The following MCTP1 variants were observed in gnomAD, a reference collection of about 807,000 sequenced individuals.
MCTP1 encodes the protein multiple C2 and transmembrane domain containing 1.
A neutral mutation model predicts 120.6 loss-of-function variants in MCTP1; 69 were observed. That is an observed-to-expected ratio of 0.57 (90% confidence interval 0.47 to 0.70). The LOEUF (loss-of-function observed/expected upper bound fraction) is 0.70, where lower values mean the gene tolerates loss of function less well. Ranked by LOEUF, MCTP1 falls within the 30% of genes least tolerant of loss-of-function variation. The pLI is 0.00. For missense variants in MCTP1, 1,203 were observed against 1,248.8 expected (o/e 0.96, Z 0.55); for synonymous variants, 529 against 493.1 (o/e 1.07, Z -0.96).
At chr5:94,950,022 A>T (rs1488711237) in intron 3 of MCTP1, among the ~76,000 whole-genome samples, 2 of 152,202 alleles carry the variant, frequency 1.3e-5, no homozygotes. Flanking sequence ...AATAATGGAA[A>T]AAATAAAGCA....
chr5:95,243,528 T>G (rs1008932923), intron 1 of MCTP1, among the ~76,000 whole-genome samples: 2 of 152,184 alleles, frequency 1.3e-5, no homozygotes, highest in Non-Finnish European at 2.9e-5. Flanking sequence ...GGGTCTAATA[T>G]GTCATTACAG....
intron 18 of MCTP1, chr5:94,791,955 C>T (rs1779063608): frequency 6.6e-6 from 1 of 152,538 alleles, no homozygotes; most frequent in Non-Finnish European, 1.5e-5. Flanking sequence ...GGCTTGCCTA[C>T]AAGTCTGCTG....
intron 2 of MCTP1, among the ~76,000 whole-genome samples, chr5:94,959,613 T>G (rs1365165354): frequency 6.6e-6 from 1 of 152,184 alleles, no homozygotes; most frequent in African/African-American, 2.4e-5. Context: ...CAAGCATTCC[T>G]ATACACCAGT....
chr5:95,253,473 T>TA (rs1757581195), intron 1 of MCTP1, among the ~76,000 whole-genome samples: 1 of 152,044 alleles, frequency 6.6e-6, no homozygotes, highest in East Asian at 1.9e-4. Context: ...AAGACACAAT[T>TA]AAACAATGTA....
intron 17 of MCTP1, among the ~76,000 whole-genome samples, chr5:94,810,918 G>A (rs764901393): frequency 6.6e-6 from 1 of 152,160 alleles, no homozygotes; most frequent in Non-Finnish European, 1.5e-5. Flanking sequence ...AAGTCAGAAA[G>A]TGTGTTTTTA....
intron 1 of MCTP1, among the ~76,000 whole-genome samples, chr5:95,215,177 TTC>T (rs59299777): frequency 1.8e-4 from 28 of 152,338 alleles, no homozygotes; most frequent in African/African-American, 6.7e-4. Flanking sequence ...CCTTCCTCTC[TTC>T]TCCAAGCAAT....
chr5:95,273,020 G>A (rs1487974666), intron 1 of MCTP1, among the ~76,000 whole-genome samples: 1 of 152,236 alleles, frequency 6.6e-6, no homozygotes, highest in African/African-American at 2.4e-5. Flanking sequence ...AGAAGGTGCA[G>A]CCCACGTCTG....
chr5:95,262,686 A>G (rs1758566073), intron 1 of MCTP1, among the ~76,000 whole-genome samples: 1 of 152,216 alleles, frequency 6.6e-6, no homozygotes. Context: ...TCTCAGCAGG[A>G]TTACAAAGTA....
intron 1 of MCTP1, among the ~76,000 whole-genome samples, chr5:95,033,963 A>G (rs1339394261): frequency 2.0e-5 from 3 of 152,010 alleles, no homozygotes; most frequent in African/African-American, 7.2e-5. Context: ...ACTCAATCCC[A>G]TTTACAATAG....
intron 17 of MCTP1, among the ~76,000 whole-genome samples, chr5:94,866,503 G>A (rs553138760): frequency 1.3e-4 from 19 of 149,712 alleles, no homozygotes; most frequent in Non-Finnish European, 2.2e-4. Context: ...TTCACCATCC[G>A]TGTCAGCAGG....
intron 1 of MCTP1, among the ~76,000 whole-genome samples, chr5:95,255,083 CATTT>C (rs1381711426): frequency 6.6e-6 from 1 of 152,118 alleles, no homozygotes; most frequent in Non-Finnish European, 1.5e-5. Context: ...TGTATGCCTT[CATTT>C]GAGTATGGTC....
At chr5:94,917,828 T>A in intron 8 of MCTP1, 68 bp downstream of exon 8, 1 of 1,253,020 alleles carries the variant, frequency 8.0e-7, no homozygotes, top group Non-Finnish European at 1.2e-6. Context: ...GTACAGTAAG[T>A]TGGCTCTCAG....
At chr5:95,211,871 GT>G (rs1752424164) in intron 1 of MCTP1, among the ~76,000 whole-genome samples, 3 of 152,124 alleles carry the variant, frequency 2.0e-5, no homozygotes, top group Non-Finnish European at 4.4e-5. Context: ...TGTCCTTTCT[GT>G]TTGTTAGTTT....
At chr5:95,043,669 T>A (rs957938262) in intron 1 of MCTP1, among the ~76,000 whole-genome samples, 5 of 152,190 alleles carry the variant, frequency 3.3e-5, no homozygotes, top group Non-Finnish European at 7.3e-5. Flanking sequence ...ACAGATGCCT[T>A]AATTACTAGT....
At chr5:95,008,764 A>T (rs1835269610) in intron 2 of MCTP1, among the ~76,000 whole-genome samples, 1 of 152,108 alleles carries the variant, frequency 6.6e-6, no homozygotes, top group South Asian at 2.1e-4. Flanking sequence ...GGGCGATATA[A>T]GGCACAGAGA....
At chr5:95,063,178 C>G (rs139790624) in intron 1 of MCTP1, among the ~76,000 whole-genome samples, 3 of 152,156 alleles carry the variant, frequency 2.0e-5, no homozygotes, top group Non-Finnish European at 4.4e-5. Context: ...ATTTCCCCAA[C>G]ACTGATAGAG....
intron 1 of MCTP1, among the ~76,000 whole-genome samples, chr5:95,031,448 C>A (rs1233689700): frequency 6.6e-6 from 1 of 152,146 alleles, no homozygotes; most frequent in African/African-American, 2.4e-5. Flanking sequence ...TCAGCAGAAA[C>A]CTTACAAGCC....
intron 2 of MCTP1, among the ~76,000 whole-genome samples, chr5:94,954,193 T>TATATATATATATATATATATAC (rs1821957854): frequency 1.7e-5 from 1 of 59,268 alleles, no homozygotes; most frequent in Non-Finnish European, 3.7e-5. Flanking sequence ...CATATATATA[T>TATATATATATATATATATATAC]ATATATATAT....
intron 2 of MCTP1, among the ~76,000 whole-genome samples, chr5:94,997,284 A>T (rs186837170): frequency 6.6e-6 from 1 of 152,182 alleles, no homozygotes; most frequent in East Asian, 1.9e-4. Flanking sequence ...CTCTTTCTGG[A>T]ATTCTTTATC....
Sources: allele counts gnomAD v4.1 joint callset (sites outside exome capture counted in the v4.1 genomes callset), GRCh38; gene constraint gnomAD v4.1.1; transcripts MANE v1.5; gene names NCBI Gene and HGNC (gene_info 2026-07-23, HGNC 2026-07-21).